FBXW10: variants seen among roughly 807,000 people sequenced by gnomAD.
FBXW10 encodes F-box/WD repeat-containing protein 10.
Under a neutral mutation model 113.1 loss-of-function variants are expected in FBXW10, and 68 were observed. That is an observed-to-expected ratio of 0.60 (90% confidence interval 0.49 to 0.74). FBXW10 has a LOEUF of 0.74. Among genes scored for constraint, FBXW10 ranks in the 30% least tolerant of loss-of-function variants. The pLI, the probability that FBXW10 is intolerant of heterozygous loss-of-function variation, is 0.00. For synonymous variants in FBXW10, 289 were observed against 481.6 expected (o/e 0.60, Z 5.24); for missense variants, 753 against 1,284.5 (o/e 0.59, Z 6.32).
intron 13 of FBXW10, among the ~76,000 whole-genome samples, chr17:18,776,548 A>G (rs2035702914): frequency 6.6e-6 from 1 of 152,236 alleles, no homozygotes; most frequent in South Asian, 2.1e-4. Context: ...TACCTATGTC[A>G]GTGTACCTGT....
At chr17:18,774,414 A>G (rs2035667858) in intron 12 of FBXW10, among the ~76,000 whole-genome samples, 1 of 152,322 alleles carries the variant, frequency 6.6e-6, no homozygotes, top group South Asian at 2.1e-4. Flanking sequence ...TACGACAATA[A>G]ACAATATGGT....
In FBXW10 at chr17:18,749,277, G is replaced by A. The variant is rs182111271; in HGVS notation, c.671-445G>A. 9.9e-4 allele frequency among the ~76,000 whole-genome samples: 150 copies of A among 152,122 alleles called. 1 individual carries two copies. The highest frequency in any genetic ancestry group is 3.4e-3 in the African/African-American group (143 of 41,516). On this transcript the variant is annotated intron_variant, in intron 2 of 13. Coordinates refer to ENST00000395665, the MANE Select transcript of FBXW10 (RefSeq NM_001267585.2). ...TTCTCGGCCGAGTGCGGTGGCTCACGCCTGTAATCCCAGCACTCTGGGAGG... is the reference window on the plus strand; with the variant it reads ...TTCTCGGCCGAGTGCGGTGGCTCACACCTGTAATCCCAGCACTCTGGGAGG...
chr17:18,770,716 ATGCCTTTGGC>A (rs1377300713), intron 11 of FBXW10, among the ~76,000 whole-genome samples: 9 of 152,144 alleles, frequency 5.9e-5, no homozygotes, highest in African/African-American at 2.2e-4. Flanking sequence ...CTCTTTGATC[ATGCCTTTGGC>A]TGCCTGAGAG....
At chr17:18,745,563 G>A (rs188637289) in intron 1 of FBXW10, among the ~76,000 whole-genome samples, 7 of 151,700 alleles carry the variant, frequency 4.6e-5, no homozygotes, top group Admixed American at 6.6e-5. Context: ...CTACAGGTGC[G>A]TGCCACCATG....
chr17:18,767,981 CCTT>C (rs1247879061), intron 9 of FBXW10, among the ~76,000 whole-genome samples: 14 of 151,198 alleles, frequency 9.3e-5, no homozygotes, highest in African/African-American at 2.9e-4. Flanking sequence ...ACTCCATTGG[CCTT>C]CTTTTTTTCT....
At chr17:18,746,191 G>A (rs2034045577) in intron 1 of FBXW10, among the ~76,000 whole-genome samples, 1 of 152,162 alleles carries the variant, frequency 6.6e-6, no homozygotes, top group Non-Finnish European at 1.5e-5. Flanking sequence ...TGAGGAATCT[G>A]CCCCCATGAC....
rs138524337 is a variant in FBXW10, at chr17:18,753,313, C to T, written c.1122+2260C>T. On this transcript the variant is annotated intron_variant, in intron 5 of 13. Coordinates refer to ENST00000395665, the MANE Select transcript of FBXW10 (RefSeq NM_001267585.2). ...TAAGATAGTGAAGCTAAAGCAGACT[C>T]GGGGGTATGCCTGCAGCTGCAGAAA... 0.017 allele frequency among the ~76,000 whole-genome samples: 2,603 copies of T among 151,886 alleles called. 135 individuals are homozygous for T. In the East Asian group the frequency reaches 0.21, roughly 12 times the overall value.
At position 18,752,440 on chromosome 17, in the gene FBXW10, T is replaced by C. The variant is rs12603903; in HGVS notation, c.1122+1387T>C. 5.0e-4 allele frequency among the ~76,000 whole-genome samples: 76 copies of C among 152,222 alleles called. 1 individual carries two copies. In the East Asian group the frequency reaches 0.014, roughly 28 times the overall value. Reference sequence around the variant, plus strand: ...AAAGAAAACACATTTCTGGGCCAGGTGCAGCAGCTCACGCCTGTAATCCCA... The same window carrying C: ...AAAGAAAACACATTTCTGGGCCAGGCGCAGCAGCTCACGCCTGTAATCCCA... On this transcript the variant is annotated intron_variant, in intron 5 of 13. Transcript: ENST00000395665.
intron 1 of FBXW10, among the ~76,000 whole-genome samples, chr17:18,747,734 T>C (rs989069296): frequency 6.6e-6 from 1 of 152,008 alleles, no homozygotes; most frequent in Non-Finnish European, 1.5e-5. Context: ...AATTTTACAA[T>C]GGGGGCGTGC....
At chr17:18,770,120 G>C in intron 11 of FBXW10, 35 bp downstream of exon 11, 2 of 1,608,224 alleles carry the variant, frequency 1.2e-6, no homozygotes, top group Non-Finnish European at 1.7e-6. Context: ...AACTGTGAGT[G>C]ATTCTGTTGG....
At chr17:18,764,510 A>G (rs188861720) in intron 7 of FBXW10, among the ~76,000 whole-genome samples, 57 of 152,194 alleles carry the variant, frequency 3.7e-4, no homozygotes, top group Non-Finnish European at 6.5e-4. Flanking sequence ...AACGACTCTT[A>G]TTATTATTTC....
intron 6 of FBXW10, among the ~76,000 whole-genome samples, chr17:18,757,137 T>C (rs375772086): frequency 1.1e-4 from 16 of 152,020 alleles, no homozygotes; most frequent in East Asian, 5.8e-4. Flanking sequence ...TATATGTATA[T>C]ACACACACAC....
chr17:18,775,959 A>T (rs2035690445), intron 13 of FBXW10, among the ~76,000 whole-genome samples: 1 of 151,582 alleles, frequency 6.6e-6, no homozygotes, highest in South Asian at 2.1e-4. Flanking sequence ...CAGGAGCTTG[A>T]CGTTACAGTG....
At chr17:18,777,220 C>T (rs1412669860) in intron 13 of FBXW10, among the ~76,000 whole-genome samples, 1 of 151,832 alleles carries the variant, frequency 6.6e-6, no homozygotes. Context: ...TGCCACCACG[C>T]CCGGCTAATT....
intron 13 of FBXW10, among the ~76,000 whole-genome samples, chr17:18,777,968 TG>T (rs1408315713): frequency 6.6e-6 from 1 of 151,824 alleles, no homozygotes; most frequent in Non-Finnish European, 1.5e-5. Context: ...CTTGTTTTAT[TG>T]GCCGGCTGCG....
At position 18,766,687 on chromosome 17, in the gene FBXW10, G is replaced by A. The variant is rs374106016; in HGVS notation, c.1556-27G>A. 2.4e-5 allele frequency: 39 copies of A among 1,610,176 alleles called. No homozygotes were observed. In the African/African-American group the frequency reaches 3.6e-4, roughly 15 times the overall value. ...TTTCCCCCTTTTTCCCCACTCCCAT[G>A]TCTTCCTCTCTCTCCCTCCTGTTCA... On this transcript the variant is annotated intron_variant, in intron 8 of 13. Transcript: ENST00000395665.
intron 10 of FBXW10, 92 bp from the exon 11 acceptor site, chr17:18,769,835 G>A: frequency 1.4e-6 from 2 of 1,407,938 alleles, no homozygotes. Flanking sequence ...GGCCAGTGCT[G>A]CTCAATCACA....
chr17:18,748,408 C>CAAA (rs57336039), intron 2 of FBXW10, among the ~76,000 whole-genome samples: 3,794 of 50,710 alleles, frequency 0.075, 1 homozygote, highest in Admixed American at 0.085. Context: ...GAGACTGTCT[C>CAAA]AAAAAAAAAA....
chr17:18,749,902 A>G lies in FBXW10; in HGVS notation c.851A>G (p.His284Arg). 1.7e-5 allele frequency: 27 copies of G among 1,613,114 alleles called. No individual in the cohort carries two copies. Among genetic ancestry groups the G allele is most frequent in the Non-Finnish European group, 2.1e-5 (25 of 1,179,774 alleles). Reference sequence around the variant, plus strand: ...GACTTCATCCGTTACCTGCCCATCCACCTCTCCAAGTACATTCTAAGTATG... The same window carrying G: ...GACTTCATCCGTTACCTGCCCATCCGCCTCTCCAAGTACATTCTAAGTATG... ...YRDFIRYLPI[H>R]LSKYILRMLD... The change falls in exon 3 of 14, where the codon CAC becomes CGC. Residue 284 changes from histidine to arginine, a missense_variant. By Grantham distance (29) the His-to-Arg change is conservative. Transcript: ENST00000395665.
Sources: gnomAD v4.1 joint callset for allele counts (sites outside exome capture counted in the v4.1 genomes callset) on GRCh38, gnomAD v4.1.1 for gene constraint, MANE v1.5 for transcripts, NCBI Gene and HGNC (gene_info 2026-07-23, HGNC 2026-07-21) for gene names.